DMBT1: variants seen among roughly 807,000 people sequenced by gnomAD.
The protein encoded by DMBT1 is deleted in malignant brain tumors 1, also known as scavenger receptor cysteine-rich domain-containing protein DMBT1.
Under a neutral mutation model 252.9 loss-of-function variants are expected in DMBT1, and 198 were observed. The observed-to-expected ratio is 0.78, with a 90% CI of 0.70 to 0.88. The LOEUF (loss-of-function observed/expected upper bound fraction) is 0.88. Ranked by LOEUF, DMBT1 falls within the 40% of genes least tolerant of loss-of-function variation. DMBT1 has a pLI of 0.00. For missense variants in DMBT1, 2,432 were observed against 2,404.7 expected, an observed-to-expected ratio of 1.01 and a Z score of -0.24; for synonymous variants, 990 against 942.7, an observed-to-expected ratio of 1.05 and a Z score of -0.92.
intron 14 of DMBT1, among the ~76,000 whole-genome samples, chr10:122,584,569 G>A (rs1260226007): frequency 2.0e-5 from 3 of 148,324 alleles, no homozygotes; most frequent in Admixed American, 1.3e-4. Flanking sequence ...CTTTCATGAA[G>A]CAGTTTCATA....
At chr10:122,617,288 G>A (rs754980515) in intron 40 of DMBT1, 28 bp downstream of exon 40, 28 of 1,605,802 alleles carry the variant, frequency 1.7e-5, no homozygotes, top group Non-Finnish European at 4.3e-6. Context: ...CCCTCCCTAG[G>A]GCTCACTATC....
intron 1 of DMBT1, among the ~76,000 whole-genome samples, chr10:122,564,634 T>A (rs970435217): frequency 2.0e-5 from 3 of 148,224 alleles, no homozygotes; most frequent in African/African-American, 7.7e-5. Context: ...TCACATGTAT[T>A]TTTTTTTTTT....
intron 55 of DMBT1, among the ~76,000 whole-genome samples, chr10:122,642,097 C>T (rs373689903): frequency 3.9e-5 from 6 of 151,976 alleles, no homozygotes; most frequent in African/African-American, 1.5e-4. Context: ...TGACCCTGAC[C>T]TTTTTCCCAA....
At chr10:122,598,089 G>A (rs2097901068) in intron 25 of DMBT1, 77 bp downstream of exon 25, 8 of 1,602,296 alleles carry the variant, frequency 5.0e-6, no homozygotes, top group Non-Finnish European at 6.8e-6. Context: ...ATGATAGGAT[G>A]AGGGTCAAGG....
At position 122,643,205 on chromosome 10, in the gene DMBT1, T is replaced by TTCCC; in HGVS notation, c.7436_7437insTCCC (p.Asn2480ProfsTer12). On this transcript the variant is annotated frameshift_variant, in exon 56 of 56. Coordinates refer to ENST00000338354, the MANE Select transcript of DMBT1 (RefSeq NM_001377530.1). LOFTEE classifies it low-confidence loss of function (END_TRUNC). ...TTCCGGTTCAGGGCCTTCCACTTCC[T>TTCCC]GAACCGCTTCCCCTCCGTGTACCTG... 1 of 1,614,014 alleles carries TTCCC rather than the reference T, an allele frequency of 6.2e-7. No individual in the cohort carries two copies. The highest frequency in any genetic ancestry group is 1.3e-5 in the African/African-American group (1 of 75,056).
intron 54 of DMBT1, among the ~76,000 whole-genome samples, chr10:122,639,257 A>T (rs1289884758): frequency 6.6e-6 from 1 of 152,234 alleles, no homozygotes; most frequent in Non-Finnish European, 1.5e-5. Context: ...ACAGGGTTCA[A>T]TGGAAAGCAC....
In DMBT1 at chr10:122,633,286, T is replaced by G. The variant is rs575220564; in HGVS notation, c.6493T>G (p.Trp2165Gly). Residue 2165 changes from tryptophan to glycine, a missense_variant, in exon 52 of 56, where the codon TGG becomes GGG. Physicochemically the swap from Trp to Gly is radical, Grantham distance 184. Coordinates refer to ENST00000338354, the MANE Select transcript of DMBT1 (RefSeq NM_001377530.1). ...GNYPNNAKCV[W>G]DIEVQNNYRV... ...CTATCCAAACAATGCCAAGTGTGTGTGGGACATTGAGGTGCAAAACAACTA... is the reference window on the plus strand; with the variant it reads ...CTATCCAAACAATGCCAAGTGTGTGGGGGACATTGAGGTGCAAAACAACTA... The G allele has an allele frequency of 1.7e-5, 27 of 1,614,000 alleles. No individual in the cohort carries two copies. In the South Asian group the frequency reaches 2.9e-4, roughly 17 times the overall value.
At chr10:122,637,040 A>C (rs2098232275) in intron 53 of DMBT1, 88 bp from the exon 54 acceptor site, 1 of 1,312,018 alleles carries the variant, frequency 7.6e-7, no homozygotes, top group Non-Finnish European at 1.1e-6. Flanking sequence ...TGGTCTGTGC[A>C]CTTTTTAAGT....
At chr10:122,567,362 C>T (rs1045335778) in intron 2 of DMBT1, among the ~76,000 whole-genome samples, 65 of 152,280 alleles carry the variant, frequency 4.3e-4, no homozygotes, top group African/African-American at 1.4e-3. Flanking sequence ...GGGGCCCTTC[C>T]GAATAAGGCC....
At chr10:122,562,130 C>T (rs2097552555) in intron 1 of DMBT1, among the ~76,000 whole-genome samples, 1 of 151,532 alleles carries the variant, frequency 6.6e-6, no homozygotes, top group Non-Finnish European at 1.5e-5. Flanking sequence ...ACCTTCCTTC[C>T]ATCCCTTTTT....
Position 122,586,106 on chromosome 10 carries a change from G to C in DMBT1, c.1506G>C (p.Arg502Ser), listed in dbSNP as rs775830549. 53 of 1,588,962 alleles carry C rather than the reference G, an allele frequency of 3.3e-5. 2 individuals are homozygous for C. Among genetic ancestry groups the C allele is most frequent in the South Asian group, 2.0e-4 (17 of 87,046 alleles). ...TGAGGCTGGTGAATGGAGGTGACAG[G>C]TGTCAGGGCCGAGTGGAGGTCCTAT... ...LALRLVNGGD[R>S]CQGRVEVLYR... Residue 502 changes from arginine to serine, a missense_variant, in exon 16 of 56, where the codon AGG becomes AGC. Transcript: ENST00000338354.
At chr10:122,568,013 G>A (rs561886219) in intron 2 of DMBT1, among the ~76,000 whole-genome samples, 1 of 152,334 alleles carries the variant, frequency 6.6e-6, no homozygotes, top group East Asian at 1.9e-4. Flanking sequence ...AATGAATGTG[G>A]ATGGACTAGA....
intron 4 of DMBT1, among the ~76,000 whole-genome samples, chr10:122,571,200 A>G (rs1157914004): frequency 6.6e-6 from 1 of 152,156 alleles, no homozygotes; most frequent in Admixed American, 6.5e-5. Flanking sequence ...TTTGGAGGGT[A>G]AGTAGTACTG....
chr10:122,620,288 G>A lies in DMBT1; in HGVS notation c.5281G>A (p.Val1761Ile), dbSNP rs192235573. Residue 1761 changes from valine to isoleucine, a missense_variant, in exon 43 of 56, where the codon GTA becomes ATA. Physicochemically the swap from Val to Ile is conservative, Grantham distance 29. This residue lies in a region of DMBT1 where 1,162 missense variants were observed against 1,169.0 expected (regional missense o/e 0.99). Coordinates refer to ENST00000338354, the MANE Select transcript of DMBT1 (RefSeq NM_001377530.1). Reference protein sequence around the residue: ...WLTTNLPALTVGSESSLALRL... With the variant: ...WLTTNLPALTIGSESSLALRL... Reference sequence around the variant, plus strand: ...GACCACCAACTTACCGGCATTGACAGTAGGTAAATAATCCTCTCGCCCCTC... The same window carrying A: ...GACCACCAACTTACCGGCATTGACAATAGGTAAATAATCCTCTCGCCCCTC... 956 of 1,613,964 alleles carry A rather than the reference G, an allele frequency of 5.9e-4. 4 individuals carry two copies. The African/African-American group carries it at 0.01, about 18-fold the overall frequency.
At chr10:122,586,459 C>T (rs2097790424) in intron 16 of DMBT1, 76 bp downstream of exon 16, 1 of 1,548,312 alleles carries the variant, frequency 6.5e-7, no homozygotes, top group Non-Finnish European at 8.7e-7. Flanking sequence ...TTCTAATCTC[C>T]TCACTTAGAG....
At chr10:122,631,750 A>AG (rs2098166869) in intron 49 of DMBT1, 105 bp from the exon 50 acceptor site, 1 of 1,308,330 alleles carries the variant, frequency 7.6e-7, no homozygotes, top group African/African-American at 1.5e-5. Flanking sequence ...ACCCTCGCCG[A>AG]GGGGGGTCAG....
rs750715211 is a variant in DMBT1 at position 122,617,241 on chromosome 10, C to G, written c.4872C>G (p.Thr1624=). The G allele has an allele frequency of 2.0e-5, 33 of 1,609,960 alleles. No homozygotes were observed. Among genetic ancestry groups the G allele is most frequent in the South Asian group, 2.2e-5 (2 of 90,902 alleles). Residue 1624 remains threonine (T), a synonymous_variant, in exon 40 of 56, where the codon ACC becomes ACG. Coordinates refer to ENST00000338354, the MANE Select transcript of DMBT1 (RefSeq NM_001377530.1). ...TGCTATTTACAGACACTTGGCCAAC[C>G]TCTCGTGCATCAACAGCAGGTAAAC... The part of the protein sequence containing the change: ...QPTPSPDTWP[T]SRASTAGSES...
At chr10:122,586,616 T>A (rs1360738924) in intron 16 of DMBT1, among the ~76,000 whole-genome samples, 1 of 148,508 alleles carries the variant, frequency 6.7e-6, no homozygotes, top group Admixed American at 6.7e-5. Flanking sequence ...GTTCCCCTAC[T>A]GAGGCAGCGC....
At position 122,630,502 on chromosome 10, in the gene DMBT1, C is replaced by G; in HGVS notation, c.6025+12C>G. 6.2e-7 allele frequency: 1 copy of G among 1,612,958 alleles called. No homozygotes were observed. The stretch of plus-strand genomic sequence containing the variant: ...CTCCTTCCCAAGCGGTAAGTGCACA[C>G]TAGACCATGCCTATGAGGCTTGGTG... On this transcript the variant is annotated intron_variant, in intron 48 of 55. Transcript: ENST00000338354.
Sources: gnomAD v4.1 joint callset for allele counts (sites outside exome capture counted in the v4.1 genomes callset) on GRCh38, gnomAD v4.1.1 for gene constraint, gnomAD v4.1.1 regional missense constraint, MANE v1.5 for transcripts, NCBI Gene and HGNC (gene_info 2026-07-23, HGNC 2026-07-21) for gene names.